FRMD3: variants seen among roughly 807,000 people sequenced by gnomAD.
FRMD3 encodes FERM domain-containing protein 3.
In FRMD3, 33 loss-of-function variants were observed where a neutral mutation model predicts 70.2. That is an observed-to-expected ratio of 0.47 (90% CI 0.36 to 0.63). The LOEUF is 0.63. FRMD3 is among the 20% of genes least tolerant of loss of function. The pLI, the probability that FRMD3 is intolerant of heterozygous loss-of-function variation, is 0.00. For synonymous variants in FRMD3, 279 were observed against 255.9 expected (o/e 1.09, Z -0.86); for missense variants, 632 against 711.4 (o/e 0.89, Z 1.27).
chr9:83,412,749 T>G (rs1412752766), intron 1 of FRMD3, among the ~76,000 whole-genome samples: 2 of 151,936 alleles, frequency 1.3e-5, no homozygotes, highest in Admixed American at 6.6e-5. Context: ...AATCCCAGCA[T>G]TTTGGGAGGC....
chr9:83,258,423 A>C (rs542368241), intron 13 of FRMD3, among the ~76,000 whole-genome samples: 1 of 152,362 alleles, frequency 6.6e-6, no homozygotes, highest in African/African-American at 2.4e-5. Context: ...CGTGCACAAA[A>C]CAGCTAAAGA....
chr9:83,446,043 G>T (rs1827450512), intron 1 of FRMD3, among the ~76,000 whole-genome samples: 1 of 152,188 alleles, frequency 6.6e-6, no homozygotes, highest in Non-Finnish European at 1.5e-5. Context: ...GTGGCTCAGA[G>T]AGGTTAGTCA....
chr9:83,332,051 C>A, intron 6 of FRMD3: 1 of 619,328 alleles, frequency 1.6e-6, no homozygotes. Context: ...GGCGGAGCCC[C>A]CCAGCTGGCC....
At chr9:83,523,635 C>T (rs1001015253) in intron 1 of FRMD3, among the ~76,000 whole-genome samples, 4 of 152,284 alleles carry the variant, frequency 2.6e-5, no homozygotes, top group African/African-American at 9.6e-5. Context: ...AAACCTAAAC[C>T]ACCTTCCTCT....
chr9:83,584,204 C>T, the FRMD3 span, among the ~76,000 whole-genome samples: 3 of 151,960 alleles, frequency 2.0e-5, no homozygotes, highest in Non-Finnish European at 2.9e-5. Context: ...GGCATGGTGG[C>T]GCACACCTGT....
chr9:83,262,809 T>G (rs1294006842), intron 13 of FRMD3, among the ~76,000 whole-genome samples: 1 of 152,214 alleles, frequency 6.6e-6, no homozygotes, highest in Non-Finnish European at 1.5e-5. Flanking sequence ...AAGGCTCTCC[T>G]ATCCCCCACT....
chr9:83,328,829 T>G (rs1054409763), intron 6 of FRMD3, among the ~76,000 whole-genome samples: 1 of 152,164 alleles, frequency 6.6e-6, no homozygotes, highest in Non-Finnish European at 1.5e-5. Flanking sequence ...TATAAATGGA[T>G]AGAAGGATGG....
intron 9 of FRMD3, among the ~76,000 whole-genome samples, chr9:83,310,096 C>T (rs1295017142): frequency 6.6e-6 from 1 of 152,168 alleles, no homozygotes; most frequent in Non-Finnish European, 1.5e-5. Flanking sequence ...TTTTAAGACT[C>T]TCTGGACTAA....
chr9:83,518,306 T>C (rs780440810), intron 1 of FRMD3, among the ~76,000 whole-genome samples: 1 of 152,134 alleles, frequency 6.6e-6, no homozygotes, highest in Non-Finnish European at 1.5e-5. Context: ...GCATACAAAA[T>C]CAGTGTGCAA....
intron 13 of FRMD3, chr9:83,267,413 C>T: frequency 1.4e-6 from 1 of 727,500 alleles, no homozygotes. Context: ...CCTTCCGGAC[C>T]AAAACAGAGG....
chr9:83,264,891 A>C (rs1833167067), intron 13 of FRMD3, among the ~76,000 whole-genome samples: 1 of 152,178 alleles, frequency 6.6e-6, no homozygotes, highest in African/African-American at 2.4e-5. Flanking sequence ...AACTAAAAAA[A>C]AAATTAGATA....
chr9:83,257,787 T>TA (rs1322502247), intron 13 of FRMD3, among the ~76,000 whole-genome samples: 1 of 152,204 alleles, frequency 6.6e-6, no homozygotes, highest in African/African-American at 2.4e-5. Flanking sequence ...GCTCAGTTAA[T>TA]AAGTTTAATA....
chr9:83,348,172 T>C (rs79912756), intron 4 of FRMD3, among the ~76,000 whole-genome samples: 1 of 152,114 alleles, frequency 6.6e-6, no homozygotes, highest in Non-Finnish European at 1.5e-5. Flanking sequence ...AGGATTTGAT[T>C]TGATCTTCCT....
At chr9:83,359,696 G>A (rs1824521428) in intron 3 of FRMD3, among the ~76,000 whole-genome samples, 1 of 151,976 alleles carries the variant, frequency 6.6e-6, no homozygotes, top group South Asian at 2.1e-4. Flanking sequence ...TATATCTTTT[G>A]GTTTTTTTCA....
chr9:83,433,618 C>T (rs1237220562), intron 1 of FRMD3, among the ~76,000 whole-genome samples: 8 of 152,188 alleles, frequency 5.3e-5, no homozygotes, highest in Admixed American at 4.6e-4. Flanking sequence ...CAACTTACCA[C>T]AATGTAGAAT....
At chr9:83,307,313 A>G (rs928230401) in intron 10 of FRMD3, among the ~76,000 whole-genome samples, 2 of 152,250 alleles carry the variant, frequency 1.3e-5, no homozygotes, top group Admixed American at 1.3e-4. Context: ...CAGCAGTTCC[A>G]TCCTAGGTAT....
At position 83,349,678 on chromosome 9, in the gene FRMD3, C is replaced by A. The variant is rs760475297; in HGVS notation, c.374+1G>T. On this transcript the variant is annotated splice_donor_variant, in intron 4 of 13. Coordinates refer to ENST00000304195, the MANE Select transcript of FRMD3 (RefSeq NM_174938.6). LOFTEE classifies it high-confidence loss of function. ...TAAACATACAAACAAACAAAAAATACCTTGTGAGCTCTTCTTTAATCTTCA... is the reference window on the plus strand; with the variant it reads ...TAAACATACAAACAAACAAAAAATAACTTGTGAGCTCTTCTTTAATCTTCA... The A allele has an allele frequency of 1.2e-6, 2 of 1,605,288 alleles. No homozygotes were observed. Among genetic ancestry groups the A allele is most frequent in the East Asian group, 2.2e-5 (1 of 44,802 alleles).
rs897089261 is a variant in FRMD3, at chr9:83,281,117, A to T, written c.1195+9486T>A. Among the ~76,000 whole-genome samples the T allele has an allele frequency of 2.0e-5, 3 of 152,208 alleles. No individual in the cohort carries two copies. In the East Asian group the frequency reaches 5.8e-4, roughly 29 times the overall value. On this transcript the variant is annotated intron_variant, in intron 13 of 13. Coordinates refer to ENST00000304195, the MANE Select transcript of FRMD3 (RefSeq NM_174938.6). ...GATCTTAAGAGAAGGGAGGAGACGG[A>T]GGGAGAGGCTCTGAGATCCTGTCTC...
At chr9:83,287,324 A>G (rs1190344795) in intron 13 of FRMD3, among the ~76,000 whole-genome samples, 1 of 152,266 alleles carries the variant, frequency 6.6e-6, no homozygotes, top group Non-Finnish European at 1.5e-5. Flanking sequence ...TAAACATCCT[A>G]CAATGCACAG....
Sources: allele counts gnomAD v4.1 joint callset (sites outside exome capture counted in the v4.1 genomes callset), GRCh38; gene constraint gnomAD v4.1.1; transcripts MANE v1.5; gene names NCBI Gene and HGNC (gene_info 2026-07-23, HGNC 2026-07-21).